CA7: variants seen among roughly 807,000 people sequenced by gnomAD.
The protein encoded by CA7 is carbonate dehydratase VII.
CA7 carries 13 observed loss-of-function variants against 31.4 expected under a neutral mutation model. The observed-to-expected ratio is 0.41, with a 90% CI of 0.27 to 0.66. CA7 has a LOEUF of 0.66. Among genes scored for constraint, CA7 ranks in the 30% least tolerant of loss-of-function variants. The probability of loss-of-function intolerance (pLI) is 0.28; values close to 1 mark genes in which losing one functional copy is unlikely to be tolerated. For missense variants in CA7, 215 were observed against 351.0 expected (o/e 0.61, Z 3.10); for synonymous variants, 128 against 133.2 (o/e 0.96, Z 0.27).
At chr16:66,851,298 C>A (rs1443803571) in intron 3 of CA7, among the ~76,000 whole-genome samples, 165 bp from the exon 4 acceptor site, 1 of 152,180 alleles carries the variant, frequency 6.6e-6, no homozygotes, top group Non-Finnish European at 1.5e-5. Flanking sequence ...CTACCTGTGA[C>A]CCTCTGGGGC....
At chr16:66,847,292 G>T (rs1960950033) in intron 2 of CA7, 65 bp downstream of exon 2, 2 of 1,456,954 alleles carry the variant, frequency 1.4e-6, no homozygotes, top group Admixed American at 1.7e-5. Flanking sequence ...ACCTTGTGTT[G>T]GGCAGTCTCA....
intron 1 of CA7, among the ~76,000 whole-genome samples, chr16:66,846,333 T>C (rs1960928517): frequency 1.3e-5 from 2 of 152,174 alleles, no homozygotes; most frequent in African/African-American, 4.8e-5. Context: ...TACACATGAA[T>C]GTTCTGGGCC....
At chr16:66,851,142 G>T (rs1961039252) in intron 3 of CA7, among the ~76,000 whole-genome samples, 1 of 152,214 alleles carries the variant, frequency 6.6e-6, no homozygotes, top group African/African-American at 2.4e-5. Context: ...GGACTCAGCT[G>T]TAGGCACCAC....
intron 1 of CA7, chr16:66,845,031 C>A: frequency 1.0e-5 from 10 of 986,616 alleles, no homozygotes; most frequent in Non-Finnish European, 1.2e-5. Context: ...GAGCTGCCTT[C>A]TCGGCCGGTA....
chr16:66,844,415 G>A lies in CA7; in HGVS notation c.-73G>A. The A allele has an allele frequency of 1.5e-6, 2 of 1,327,828 alleles. No individual in the cohort carries two copies. Among genetic ancestry groups the A allele is most frequent in the East Asian group, 2.8e-5 (1 of 36,144 alleles). The allele number at this position is 1,327,828 out of a possible 1,614,324, so 82.3% of individuals were successfully genotyped here. A position where few individuals can be genotyped will look rare whatever the true frequency, so the allele number is the denominator to read the frequency against. On this transcript the variant is annotated 5_prime_UTR_variant, in exon 1 of 7. Coordinates refer to ENST00000338437, the MANE Select transcript of CA7 (RefSeq NM_005182.3). ...AGAGGCTGCTCCGCGGTAGCGAGCGGGGCCGGAGCCGCAGCCCGAACGAGC... is the reference window on the plus strand; with the variant it reads ...AGAGGCTGCTCCGCGGTAGCGAGCGAGGCCGGAGCCGCAGCCCGAACGAGC...
rs1418220253 is a variant in CA7, at chr16:66,852,650, T to C, written c.517-62T>C. On this transcript the variant is annotated intron_variant, in intron 5 of 6. Transcript: ENST00000338437. ...AGAAAGAAAGAGATGGGTGGAGAAG[T>C]TGCTGGTTTGGTCCCAGTGGGAGGT... The C allele has an allele frequency of 2.4e-6, 3 of 1,252,522 alleles. No individual in the cohort carries two copies. In the Admixed American group the frequency reaches 7.9e-5, roughly 33 times the overall value. The allele number at this position is 1,252,522 out of a possible 1,614,324, so 77.6% of individuals were successfully genotyped here. A position where few individuals can be genotyped will look rare whatever the true frequency, so the allele number is the denominator to read the frequency against.
At chr16:66,852,921 A>C (rs1176021038) in intron 6 of CA7, 54 bp downstream of exon 6, 13 of 1,535,066 alleles carry the variant, frequency 8.5e-6, no homozygotes, top group Non-Finnish European at 1.2e-5. Context: ...GGCTCACCCC[A>C]GGCAGTGTGA....
rs1017616874 is a variant in CA7 at position 66,847,191 on chromosome 16, G to A, written c.202G>A (p.Val68Ile). Residue 68 changes from valine (V) to isoleucine (I), a missense_variant, in exon 2 of 7, where the codon GTC becomes ATC. Coordinates refer to ENST00000338437, the MANE Select transcript of CA7 (RefSeq NM_005182.3). Reference sequence around the variant, plus strand: ...CAGCATCACCAACAATGGCCACTCTGTCCAGGTAGACTTCAATGACAGCGA... The same window carrying A: ...CAGCATCACCAACAATGGCCACTCTATCCAGGTAGACTTCAATGACAGCGA... ...SLSITNNGHS[V>I]QVDFNDSDDR... 2.5e-6 allele frequency: 4 copies of A among 1,614,236 alleles called. No homozygotes were observed. Among genetic ancestry groups the A allele is most frequent in the Non-Finnish European group, 3.4e-6 (4 of 1,180,034 alleles).
intron 4 of CA7, 36 bp downstream of exon 4, chr16:66,851,594 G>A: frequency 6.2e-7 from 1 of 1,612,844 alleles, no homozygotes; most frequent in Non-Finnish European, 8.5e-7. Flanking sequence ...GAGGGGCATG[G>A]GAGGCCTGGC....
At chr16:66,846,221 C>CAA (rs1310641196) in intron 1 of CA7, among the ~76,000 whole-genome samples, 1 of 151,222 alleles carries the variant, frequency 6.6e-6, no homozygotes, top group Admixed American at 6.6e-5. Flanking sequence ...ATGTGTTTTG[C>CAA]TGTGGTCCTT....
At chr16:66,849,714 G>C (rs1480245950) in intron 2 of CA7, among the ~76,000 whole-genome samples, 1 of 152,176 alleles carries the variant, frequency 6.6e-6, no homozygotes, top group Non-Finnish European at 1.5e-5. Context: ...CAGCTAGATA[G>C]AGAGCTGTCC....
In CA7 at chr16:66,853,014, G is replaced by C. The variant is rs758475445; in HGVS notation, c.672+147G>C. On this transcript the variant is annotated intron_variant, in intron 6 of 6. Coordinates refer to ENST00000338437, the MANE Select transcript of CA7 (RefSeq NM_005182.3). The surrounding 1 kb of genome is among the most constrained non-coding windows in gnomAD (Gnocchi z 4.5). ...TTACTAATAAATGTATAGATTCTTG[G>C]TTGGGAGTTAGCTTGATTGTTAATC... 4 of 775,404 alleles carry C rather than the reference G, an allele frequency of 5.2e-6. No homozygotes were observed. Among genetic ancestry groups the C allele is most frequent in the Non-Finnish European group, 7.9e-6 (4 of 506,988 alleles). 48.0% of individuals were successfully genotyped at this position (775,404 alleles called of 1,614,324 possible).
chr16:66,850,304 G>T (rs1961012633), intron 2 of CA7, among the ~76,000 whole-genome samples: 1 of 151,990 alleles, frequency 6.6e-6, no homozygotes, highest in Admixed American at 6.6e-5. Flanking sequence ...GCTAGGTGTG[G>T]TGCCACATGC....
intron 2 of CA7, among the ~76,000 whole-genome samples, chr16:66,848,146 C>T (rs1260671742): frequency 6.6e-6 from 1 of 152,142 alleles, no homozygotes; most frequent in African/African-American, 2.4e-5. Context: ...GGAAGCCAGA[C>T]CTTTCATGAG....
chr16:66,844,970 C>T, intron 1 of CA7: 1 of 996,628 alleles, frequency 1.0e-6, no homozygotes, highest in Non-Finnish European at 1.2e-6. Flanking sequence ...CGGGGCTCCG[C>T]GTGGCAAGGG....
chr16:66,844,929 G>T, intron 1 of CA7: 1 of 1,019,032 alleles, frequency 9.8e-7, no homozygotes, highest in Non-Finnish European at 1.2e-6. Context: ...CGGGGAGCGC[G>T]CACGGCAAGT....
At chr16:66,852,551 A>G (rs540803723) in intron 5 of CA7, among the ~76,000 whole-genome samples, 161 bp from the exon 6 acceptor site, 87 of 97,100 alleles carry the variant, frequency 9.0e-4, no homozygotes, top group African/African-American at 4.9e-3. Flanking sequence ...AGGAAGGAAG[A>G]AAGAAAGAAA....
intron 1 of CA7, chr16:66,844,815 C>A: frequency 1.1e-6 from 1 of 879,396 alleles, no homozygotes; most frequent in Non-Finnish European, 1.5e-6. Flanking sequence ...CCGCTCAGAC[C>A]CAGGCCCAGA....
intron 1 of CA7, chr16:66,845,034 GGCCGGTAC>G: frequency 1.0e-6 from 1 of 986,484 alleles, no homozygotes; most frequent in Non-Finnish European, 1.2e-6. Context: ...CTGCCTTCTC[GGCCGGTAC>G]GTGAGGGAAG....
Sources: allele counts gnomAD v4.1 joint callset (sites outside exome capture counted in the v4.1 genomes callset), GRCh38; gene constraint gnomAD v4.1.1; non-coding constraint Gnocchi (gnomAD v3.1); transcripts MANE v1.5; gene names NCBI Gene and HGNC (gene_info 2026-07-23, HGNC 2026-07-21).